C1QTNF7: variants seen among roughly 807,000 people sequenced by gnomAD.
C1QTNF7 encodes the protein C1q and TNF related 7, also known as complement C1q tumor necrosis factor-related protein 7.
C1QTNF7 carries 15 observed loss-of-function variants against 19.6 expected under a neutral mutation model. That is an observed-to-expected ratio of 0.76 (90% CI 0.51 to 1.18). C1QTNF7 has a LOEUF of 1.18. C1QTNF7 is among the 50% of genes most tolerant of loss of function. The pLI, the probability that C1QTNF7 is intolerant of heterozygous loss-of-function variation, is 0.00. For synonymous variants in C1QTNF7, 142 were observed against 137.5 expected (o/e 1.03, Z -0.23); for missense variants, 324 against 359.7 (o/e 0.90, Z 0.80).
At chr4:15,439,004 G>A (rs1298369975) in intron 2 of C1QTNF7, among the ~76,000 whole-genome samples, 1 of 152,174 alleles carries the variant, frequency 6.6e-6, no homozygotes, top group Non-Finnish European at 1.5e-5. Flanking sequence ...AGAAATCTAG[G>A]TAGAACCATT....
chr4:15,409,710 GTGCTC>G (rs1719335476), intron 1 of C1QTNF7, among the ~76,000 whole-genome samples: 2 of 152,102 alleles, frequency 1.3e-5, no homozygotes, highest in African/African-American at 2.4e-5. Context: ...GGGTCTGAAC[GTGCTC>G]TGCCCACCCA....
At chr4:15,424,245 A>T (rs1451541003), upstream of C1QTNF7, among the ~76,000 whole-genome samples, 1 of 152,220 alleles carries the variant, frequency 6.6e-6, no homozygotes, top group Admixed American at 6.5e-5. Context: ...CCATGGCTGT[A>T]GTTCAGGATA....
At chr4:15,371,818 C>T (rs1297474725) in intron 1 of C1QTNF7, among the ~76,000 whole-genome samples, 1 of 152,164 alleles carries the variant, frequency 6.6e-6, no homozygotes, top group African/African-American at 2.4e-5. Flanking sequence ...AAACTCTCTA[C>T]AGCTGTCAAT....
chr4:15,383,889 C>A (rs529272023), intron 1 of C1QTNF7, among the ~76,000 whole-genome samples: 1 of 152,236 alleles, frequency 6.6e-6, no homozygotes, highest in Non-Finnish European at 1.5e-5. Flanking sequence ...TCAGAATGGA[C>A]AAAAATTGAA....
intron 1 of C1QTNF7, among the ~76,000 whole-genome samples, chr4:15,384,603 G>A (rs556705730): frequency 1.4e-4 from 21 of 152,106 alleles, no homozygotes; most frequent in Non-Finnish European, 2.4e-4. Context: ...ACTGAATTCC[G>A]GAGCTTTTCT....
intron 1 of C1QTNF7, among the ~76,000 whole-genome samples, chr4:15,422,210 TA>T (rs199592000): frequency 0.15 from 21,226 of 142,794 alleles, 1,908 homozygotes; most frequent in African/African-American, 0.27. Context: ...TGTTTTTTTT[TA>T]AAAAAAAAAA....
In C1QTNF7 at chr4:15,416,139, A is replaced by G. The variant is rs1467599507; in HGVS notation, c.14-19597A>G. Among the ~76,000 whole-genome samples, 18 of 152,228 alleles carry G rather than the reference A, an allele frequency of 1.2e-4. 1 individual carries two copies. The highest frequency in any genetic ancestry group is 1.2e-3 in the Admixed American group (18 of 15,286). On this transcript the variant is annotated intron_variant, in intron 1 of 2. Transcript: ENST00000295297. ...ATAAATTTTGCACTCCTAAAAGTTT[A>G]TATCACTTTATATTTGCAAGAACAA...
intron 1 of C1QTNF7, among the ~76,000 whole-genome samples, chr4:15,352,784 C>T (rs1716983018): frequency 6.6e-6 from 1 of 152,164 alleles, no homozygotes; most frequent in Non-Finnish European, 1.5e-5. Context: ...TAACTCCTTC[C>T]TCCTTCCCTG....
At chr4:15,425,350 C>T (rs777176895), upstream of C1QTNF7, among the ~76,000 whole-genome samples, 5 of 152,070 alleles carry the variant, frequency 3.3e-5, no homozygotes, top group Non-Finnish European at 7.3e-5. Context: ...CAGGGTTGTG[C>T]CTGCTTGAGA....
At chr4:15,360,511 G>A (rs1053018360) in intron 1 of C1QTNF7, among the ~76,000 whole-genome samples, 33 of 152,236 alleles carry the variant, frequency 2.2e-4, no homozygotes, top group Admixed American at 2.1e-3. Context: ...TCTAACACAT[G>A]TATTTTCTTC....
chr4:15,419,944 T>C (rs1326257859), intron 1 of C1QTNF7: 1 of 152,238 alleles, frequency 6.6e-6, no homozygotes, highest in Non-Finnish European at 1.5e-5. Flanking sequence ...TTTGCCCAAG[T>C]GTGCTTCATT....
intron 2 of C1QTNF7, among the ~76,000 whole-genome samples, chr4:15,440,686 G>A (rs1560372445): frequency 6.6e-6 from 1 of 152,052 alleles, no homozygotes; most frequent in East Asian, 1.9e-4. Context: ...GATTACAGGC[G>A]TGAGTCACTG....
At chr4:15,374,743 C>A in intron 1 of C1QTNF7, 1 of 985,308 alleles carries the variant, frequency 1.0e-6, no homozygotes, top group African/African-American at 1.7e-5. Flanking sequence ...TCAAAGACTC[C>A]AGCTGTTGGA....
chr4:15,382,637 G>T (rs1017005273), intron 1 of C1QTNF7, among the ~76,000 whole-genome samples: 1 of 152,006 alleles, frequency 6.6e-6, no homozygotes, highest in African/African-American at 2.4e-5. Context: ...GCCTATTTTG[G>T]TATTTCCTAT....
chr4:15,389,069 A>G (rs546815590), intron 1 of C1QTNF7, among the ~76,000 whole-genome samples: 4 of 152,296 alleles, frequency 2.6e-5, no homozygotes, highest in African/African-American at 9.6e-5. Context: ...TCAGGACAAG[A>G]AGGTAAAGGA....
chr4:15,380,257 C>T (rs1368768966), intron 1 of C1QTNF7, among the ~76,000 whole-genome samples: 2 of 152,154 alleles, frequency 1.3e-5, no homozygotes, highest in Non-Finnish European at 2.9e-5. Flanking sequence ...TATCAGAAAA[C>T]CCAGTTCCTT....
upstream of C1QTNF7, among the ~76,000 whole-genome samples, chr4:15,424,024 TCA>T (rs1255671512): frequency 6.6e-6 from 1 of 152,202 alleles, no homozygotes; most frequent in African/African-American, 2.4e-5. Flanking sequence ...AAAAATAACC[TCA>T]TTTTTCTTCC....
At chr4:15,417,301 A>G (rs1719637301) in intron 1 of C1QTNF7, among the ~76,000 whole-genome samples, 1 of 152,202 alleles carries the variant, frequency 6.6e-6, no homozygotes. Context: ...ACCCCATACT[A>G]CTAAGCAGCT....
Position 15,445,547 on chromosome 4 carries a change from G to A in C1QTNF7, c.*2748G>A, listed in dbSNP as rs577374390. 33 of 152,268 alleles carry A rather than the reference G, an allele frequency of 2.2e-4. No individual in the cohort carries two copies. Among genetic ancestry groups the A allele is most frequent in the African/African-American group, 7.5e-4 (31 of 41,542 alleles). 9.4% of individuals were successfully genotyped at this position (152,268 alleles called of 1,614,324 possible). A position where few individuals can be genotyped will look rare whatever the true frequency, so the allele number is the denominator to read the frequency against. On this transcript the variant is annotated 3_prime_UTR_variant, in exon 3 of 3. Coordinates refer to ENST00000444304, the MANE Select transcript of C1QTNF7 (RefSeq NM_031911.5). The stretch of plus-strand genomic sequence containing the variant: ...GGTTTGAAGCCTAGAGATGAATTTC[G>A]TTTTCAAATATCTGGTGGGATGGTA...
Sources: allele counts gnomAD v4.1 joint callset (sites outside exome capture counted in the v4.1 genomes callset), GRCh38; gene constraint gnomAD v4.1.1; transcripts MANE v1.5; gene names NCBI Gene and HGNC (gene_info 2026-07-23, HGNC 2026-07-21).